The following SCUBE2 variants were observed in gnomAD, a reference collection of about 807,000 sequenced individuals.
SCUBE2 encodes the protein signal peptide, CUB and EGF-like domain-containing protein 2.
In SCUBE2, 114 loss-of-function variants were observed where a neutral mutation model predicts 125.9. That is an observed-to-expected ratio of 0.91 (90% CI 0.78 to 1.06). The LOEUF is 1.06. SCUBE2 is among the 50% of genes least tolerant of loss of function. The pLI is 0.00. For missense variants in SCUBE2, 1,255 were observed against 1,301.8 expected (o/e 0.96, Z 0.55); for synonymous variants, 459 against 492.9 (o/e 0.93, Z 0.91).
rs1862661876 is a variant in SCUBE2 at position 9,091,128 on chromosome 11, C to G, written c.133+268G>C. Among the ~76,000 whole-genome samples the G allele has an allele frequency of 6.6e-6, 1 of 152,218 alleles. No homozygotes were observed. The highest frequency in any genetic ancestry group is 1.5e-5 in the Non-Finnish European group (1 of 68,042). On this transcript the variant is annotated intron_variant, in intron 1 of 22. Coordinates refer to ENST00000649792, the MANE Select transcript of SCUBE2 (RefSeq NM_001367977.2). The surrounding 1 kb of genome is among the most constrained non-coding windows in gnomAD (Gnocchi z 8.5). ...TGCCTGCTCGCCGGCGACGGTCTGA[C>G]TAGCAGGCGCTCTGGAGGCATCCGG...
intron 22 of SCUBE2, among the ~76,000 whole-genome samples, chr11:9,021,592 T>TAATA (rs949244063): frequency 1.3e-5 from 2 of 152,238 alleles, no homozygotes; most frequent in Non-Finnish European, 2.9e-5. Context: ...TATTTGGAAT[T>TAATA]AATAGAAAAA....
In SCUBE2 at chr11:9,025,823, G is replaced by T. The variant is rs763894598; in HGVS notation, c.2733C>A (p.Thr911=). The T allele has an allele frequency of 6.2e-7, 1 of 1,614,028 alleles. No individual in the cohort carries two copies. Among genetic ancestry groups the T allele is most frequent in the East Asian group, 2.2e-5 (1 of 44,900 alleles). The change falls in exon 21 of 23, where the codon ACC becomes ACA. Residue 911 remains threonine, a synonymous_variant. Transcript: ENST00000649792. ...SSSNSVTTYE[T]CQTYERPIAF... ...CGATGGGGCGTTCGTAGGTCTGGCA[G>T]GTTTCATATGTTGTCACAGAATTGG...
chr11:9,052,694 G>GC, intron 13 of SCUBE2, 52 bp downstream of exon 13: 1 of 1,304,190 alleles, frequency 7.7e-7, no homozygotes, highest in African/African-American at 1.5e-5. Context: ...CGTGAATGAA[G>GC]CCCCTTGAAC....
intron 19 of SCUBE2, 32 bp from the exon 20 acceptor site, chr11:9,027,593 G>A (rs926514253): frequency 5.7e-6 from 9 of 1,584,636 alleles, no homozygotes; most frequent in African/African-American, 2.7e-5. Flanking sequence ...GTTATGGCAC[G>A]ACACTGTCAT....
At chr11:9,076,585 G>A (rs1245271987) in intron 3 of SCUBE2, among the ~76,000 whole-genome samples, 1 of 145,070 alleles carries the variant, frequency 6.9e-6, no homozygotes, top group Admixed American at 7.4e-5. Flanking sequence ...AGAAGTTTCA[G>A]ACAACAAAGG....
rs1229300157 is a variant in SCUBE2, at chr11:9,065,901, C to G, written c.840G>C (p.Arg280=). Residue 280 remains arginine, a synonymous_variant, in exon 7 of 23, where the codon CGG becomes CGC. Coordinates refer to ENST00000649792, the MANE Select transcript of SCUBE2 (RefSeq NM_001367977.2). ...VVDGDKRVKR[R]LLMETCAVNN... is the part of the protein sequence containing the mutation. ...AGTGAAGGTGCCTACCCATGAGCAG[C>G]CGCCGTTTCACCCGTTTATCCCCAT... 6.2e-7 allele frequency: 1 copy of G among 1,614,042 alleles called. No homozygotes were observed. Among genetic ancestry groups the G allele is most frequent in the Admixed American group, 1.7e-5 (1 of 60,018 alleles).
At chr11:9,088,489 A>G (rs1443484204) in intron 2 of SCUBE2, among the ~76,000 whole-genome samples, 1 of 152,230 alleles carries the variant, frequency 6.6e-6, no homozygotes, top group Non-Finnish European at 1.5e-5. Context: ...TAACAAGAGC[A>G]AAGCTCTGTC....
chr11:9,035,220 C>T (rs1856659804), intron 16 of SCUBE2, among the ~76,000 whole-genome samples: 1 of 152,194 alleles, frequency 6.6e-6, no homozygotes, highest in Non-Finnish European at 1.5e-5. Context: ...TTATACCAGA[C>T]ACCATGTCAA....
At chr11:9,049,706 G>T (rs1858157397) in intron 14 of SCUBE2, among the ~76,000 whole-genome samples, 1 of 151,906 alleles carries the variant, frequency 6.6e-6, no homozygotes, top group African/African-American at 2.4e-5. Flanking sequence ...TTTTCTTTTT[G>T]TTTCTTCTAC....
chr11:9,058,062 A>T (rs1189942434), intron 9 of SCUBE2, among the ~76,000 whole-genome samples: 2 of 152,140 alleles, frequency 1.3e-5, no homozygotes, highest in Non-Finnish European at 2.9e-5. Flanking sequence ...TGTGTTTGAG[A>T]AGGGGTCTGA....
At chr11:9,038,616 AAAACAAAC>A (rs200488741) in intron 16 of SCUBE2, among the ~76,000 whole-genome samples, 1 of 152,194 alleles carries the variant, frequency 6.6e-6, no homozygotes, top group Non-Finnish European at 1.5e-5. Flanking sequence ...CCCTGTCTAA[AAAACAAAC>A]AAACAAACAA....
intron 2 of SCUBE2, among the ~76,000 whole-genome samples, chr11:9,079,840 A>C (rs563490139): frequency 6.6e-6 from 1 of 152,350 alleles, no homozygotes; most frequent in African/African-American, 2.4e-5. Flanking sequence ...ATACTATTAA[A>C]TGAAAAAATC....
chr11:9,050,403 C>A (rs1011649359), intron 14 of SCUBE2: 5 of 575,328 alleles, frequency 8.7e-6, no homozygotes, highest in Non-Finnish European at 1.6e-5. Flanking sequence ...CGAAGTGTGA[C>A]CCCAGAACTA....
chr11:9,057,995 C>A (rs1279271088), intron 9 of SCUBE2, among the ~76,000 whole-genome samples: 1 of 152,208 alleles, frequency 6.6e-6, no homozygotes, highest in Non-Finnish European at 1.5e-5. Context: ...GCTGCTAATA[C>A]TAACAACAAC....
At chr11:9,037,036 A>G (rs1285659048) in intron 16 of SCUBE2, among the ~76,000 whole-genome samples, 30 of 152,158 alleles carry the variant, frequency 2.0e-4, no homozygotes, top group Admixed American at 1.9e-3. Flanking sequence ...GCACCTCCCA[A>G]ATATATTTGA....
intron 13 of SCUBE2, among the ~76,000 whole-genome samples, chr11:9,051,027 G>T (rs904586207): frequency 6.6e-6 from 1 of 152,180 alleles, no homozygotes; most frequent in Admixed American, 6.5e-5. Context: ...GCCGGGCATG[G>T]TGGCACATGC....
At position 9,051,240 on chromosome 11, in the gene SCUBE2, A is replaced by ACC. The variant is rs1159349443; in HGVS notation, c.1535-531_1535-530insGG. Among the ~76,000 whole-genome samples the ACC allele has an allele frequency of 7.1e-4, 107 of 151,298 alleles. No individual in the cohort carries two copies. The East Asian group carries it at 8.7e-3, about 12-fold the overall frequency. ...TATCTATCTATCTACCTACCTACCT[A>ACC]TCTATCTATCTATCTATCTACCTAT... On this transcript the variant is annotated intron_variant, in intron 13 of 22. Transcript: ENST00000649792.
chr11:9,050,101 A>G (rs1360349163), intron 14 of SCUBE2: 4 of 152,756 alleles, frequency 2.6e-5, no homozygotes, highest in African/African-American at 9.6e-5. Flanking sequence ...TCTTCTCAAT[A>G]AGGCCAGTTC....
rs371240445 is a variant in SCUBE2, at chr11:9,021,021, G to C, written c.*24C>G. 4.0e-5 allele frequency: 65 copies of C among 1,608,010 alleles called. No individual in the cohort carries two copies. Among genetic ancestry groups the C allele is most frequent in the Non-Finnish European group, 4.4e-5 (52 of 1,176,734 alleles). ...CCACCAACCCTATAGCAGAACATTT[G>C]TATTGAGTGGCACGTGGGCTGAGTC... On this transcript the variant is annotated 3_prime_UTR_variant, in exon 23 of 23. Transcript: ENST00000649792.
Sources: allele counts gnomAD v4.1 joint callset (sites outside exome capture counted in the v4.1 genomes callset), GRCh38; gene constraint gnomAD v4.1.1; non-coding constraint Gnocchi (gnomAD v3.1); transcripts MANE v1.5; gene names NCBI Gene and HGNC (gene_info 2026-07-23, HGNC 2026-07-21).